Variants in DPYD observed in about 807,000 individuals in gnomAD.
The protein encoded by DPYD is dihydropyrimidine dehydrogenase.
Under a neutral mutation model 116.2 loss-of-function variants are expected in DPYD, and 109 were observed. The ratio of observed to expected loss-of-function variants is 0.94; its 90% CI spans 0.80 to 1.10. The LOEUF (loss-of-function observed/expected upper bound fraction) is 1.10, where lower values mean the gene tolerates loss of function less well. Among genes scored for constraint, DPYD ranks in the 50% least tolerant of loss-of-function variants. The pLI, the probability that DPYD is intolerant of heterozygous loss-of-function variation, is 0.00. For synonymous variants in DPYD, 440 were observed against 432.0 expected, an observed-to-expected ratio of 1.02 and a Z score of -0.23; for missense variants, 1,302 against 1,254.5, an observed-to-expected ratio of 1.04 and a Z score of -0.57.
intron 12 of DPYD, chr1:97,545,929 A>C (rs1408306430): frequency 2.7e-6 from 3 of 1,104,292 alleles, no homozygotes; most frequent in Non-Finnish European, 2.8e-6. Flanking sequence ...GAGTTTAAAG[A>C]ATCAGATTGT....
intron 13 of DPYD, among the ~76,000 whole-genome samples, chr1:97,498,892 A>G (rs908473619): frequency 6.6e-6 from 1 of 151,680 alleles, no homozygotes; most frequent in African/African-American, 2.4e-5. Context: ...CAACATTGAA[A>G]TTTATTTGTA....
At chr1:97,700,089 T>A (rs1391705271) in intron 5 of DPYD, 1 of 368,004 alleles carries the variant, frequency 2.7e-6, no homozygotes, top group African/African-American at 2.1e-5. Context: ...CAAGAACTAC[T>A]GACGCAGGCA....
intron 2 of DPYD, among the ~76,000 whole-genome samples, chr1:97,880,450 C>T (rs1020610440): frequency 2.0e-4 from 31 of 151,690 alleles, no homozygotes; most frequent in African/African-American, 6.8e-4. Context: ...ATAACAAATA[C>T]GTAAGGAGCA....
At chr1:97,408,655 G>T in intron 14 of DPYD, among the ~76,000 whole-genome samples, 1 of 152,146 alleles carries the variant, frequency 6.6e-6, no homozygotes, top group South Asian at 2.1e-4. Flanking sequence ...GCAACGTATT[G>T]TTCCTAATTG....
At chr1:97,663,099 A>G (rs1659360876) in intron 8 of DPYD, among the ~76,000 whole-genome samples, 1 of 152,212 alleles carries the variant, frequency 6.6e-6, no homozygotes, top group Admixed American at 6.5e-5. Context: ...ACTAGCAAAT[A>G]GCGAGGAGAT....
chr1:97,913,759 A>C (rs2101712733), intron 1 of DPYD, among the ~76,000 whole-genome samples: 1 of 152,038 alleles, frequency 6.6e-6, no homozygotes, highest in Admixed American at 6.6e-5. Flanking sequence ...TTGGAGGATA[A>C]AGTTTTGGGA....
chr1:97,139,057 G>T (rs1353083449), intron 20 of DPYD, among the ~76,000 whole-genome samples: 1 of 152,166 alleles, frequency 6.6e-6, no homozygotes, highest in Non-Finnish European at 1.5e-5. Context: ...TTTCGAAAAA[G>T]AAGTCTGCCA....
At chr1:97,344,881 G>C (rs1465163981) in intron 16 of DPYD, among the ~76,000 whole-genome samples, 2 of 151,894 alleles carry the variant, frequency 1.3e-5, no homozygotes, top group African/African-American at 4.8e-5. Context: ...TATATGCCAT[G>C]AAATTTACTT....
intron 8 of DPYD, among the ~76,000 whole-genome samples, chr1:97,598,778 G>A (rs2786494): frequency 0.95 from 145,126 of 152,302 alleles, 69,326 homozygotes; most frequent in Non-Finnish European, 0.99. Flanking sequence ...ATTGTATGAG[G>A]CAACTGATGT....
chr1:97,764,096 A>C (rs768990518), intron 3 of DPYD, among the ~76,000 whole-genome samples: 2 of 152,040 alleles, frequency 1.3e-5, no homozygotes, highest in Non-Finnish European at 2.9e-5. Context: ...GACAAAGTTG[A>C]TAAAGAGGAA....
At chr1:97,355,659 A>G (rs1442822129) in intron 16 of DPYD, among the ~76,000 whole-genome samples, 1 of 152,074 alleles carries the variant, frequency 6.6e-6, no homozygotes, top group East Asian at 1.9e-4. Context: ...TTTAGAGTCC[A>G]CATGTAAGAG....
chr1:97,832,627 T>G (rs1012541289), intron 2 of DPYD, among the ~76,000 whole-genome samples: 9 of 152,198 alleles, frequency 5.9e-5, no homozygotes, highest in African/African-American at 2.2e-4. Context: ...AATGAGCAAT[T>G]AAATTCCCAA....
intron 3 of DPYD, among the ~76,000 whole-genome samples, chr1:97,814,878 T>C (rs1254211925): frequency 8.1e-6 from 1 of 123,510 alleles, no homozygotes. Context: ...CACTACAGCC[T>C]ACGCGACAGA....
chr1:97,395,459 A>G, intron 14 of DPYD, among the ~76,000 whole-genome samples: 1 of 152,052 alleles, frequency 6.6e-6, no homozygotes, highest in Non-Finnish European at 1.5e-5. Flanking sequence ...ACCAGGGTCA[A>G]GTTAATCAAT....
At chr1:97,323,347 T>A (rs200131219) in intron 16 of DPYD, among the ~76,000 whole-genome samples, 21 of 129,108 alleles carry the variant, frequency 1.6e-4, no homozygotes, top group South Asian at 5.3e-4. Flanking sequence ...TATATATACA[T>A]GTGTATATGT....
At chr1:97,485,203 G>GT (rs939415953) in intron 13 of DPYD, among the ~76,000 whole-genome samples, 3 of 151,972 alleles carry the variant, frequency 2.0e-5, no homozygotes, top group Non-Finnish European at 4.4e-5. Flanking sequence ...ACTCTCGTTT[G>GT]TTTTTATTTA....
At chr1:97,492,789 A>C (rs1286805838) in intron 13 of DPYD, among the ~76,000 whole-genome samples, 1 of 152,196 alleles carries the variant, frequency 6.6e-6, no homozygotes, top group Non-Finnish European at 1.5e-5. Flanking sequence ...TTTGAAATAT[A>C]CAGGCTTTTG....
intron 3 of DPYD, among the ~76,000 whole-genome samples, chr1:97,825,556 G>A (rs1669190422): frequency 6.7e-6 from 1 of 148,448 alleles, no homozygotes; most frequent in Non-Finnish European, 1.5e-5. Flanking sequence ...TCACCCACAG[G>A]TGGGAATTGA....
At chr1:97,103,316 C>A (rs539430681) in intron 20 of DPYD, among the ~76,000 whole-genome samples, 10 of 152,064 alleles carry the variant, frequency 6.6e-5, no homozygotes, top group Non-Finnish European at 1.3e-4. Flanking sequence ...GGTTTAGAAT[C>A]AGAAGCTCAG....
Sources: gnomAD v4.1 joint callset for allele counts (sites outside exome capture counted in the v4.1 genomes callset) on GRCh38, gnomAD v4.1.1 for gene constraint, MANE v1.5 for transcripts, NCBI Gene and HGNC (gene_info 2026-07-23, HGNC 2026-07-21) for gene names.